The following UNC13B variants were observed in gnomAD, a reference collection of about 807,000 sequenced individuals.
UNC13B encodes unc-13 homolog B, also known as protein unc-13 homolog B.
UNC13B carries 144 observed loss-of-function variants against 211.0 expected under a neutral mutation model. That is an observed-to-expected ratio of 0.68 (90% CI 0.60 to 0.78). UNC13B has a LOEUF of 0.78. Ranked by LOEUF, UNC13B falls within the 30% of genes least tolerant of loss-of-function variation. UNC13B has a pLI of 0.00. For synonymous variants in UNC13B, 709 were observed against 725.8 expected (o/e 0.98, Z 0.37); for missense variants, 1,777 against 2,002.0 (o/e 0.89, Z 2.14).
chr9:35,371,236 C>G (rs561514141), intron 13 of UNC13B, among the ~76,000 whole-genome samples: 46 of 152,256 alleles, frequency 3.0e-4, no homozygotes, highest in African/African-American at 1.1e-3. Flanking sequence ...GTTTCTCCCT[C>G]CTTAGTTGAC....
At chr9:35,202,979 A>T (rs576086998) in intron 1 of UNC13B, among the ~76,000 whole-genome samples, 2 of 151,812 alleles carry the variant, frequency 1.3e-5, no homozygotes, top group South Asian at 4.2e-4. Context: ...TTTTTAGTAG[A>T]GACGGGTTTT....
chr9:35,273,443 A>T (rs926147155), intron 7 of UNC13B, among the ~76,000 whole-genome samples: 3 of 152,170 alleles, frequency 2.0e-5, no homozygotes, highest in African/African-American at 7.2e-5. Context: ...AATGCTTTCC[A>T]CTAGTTTTCA....
intron 1 of UNC13B, among the ~76,000 whole-genome samples, chr9:35,201,597 C>T (rs566452234): frequency 3.9e-5 from 6 of 152,068 alleles, no homozygotes; most frequent in South Asian, 2.1e-4. Context: ...TATCCTTTTC[C>T]TCTAGATTTT....
intron 22 of UNC13B, 174 bp from the exon 23 acceptor site, chr9:35,385,550 T>G (rs1835132954): frequency 1.0e-6 from 1 of 985,312 alleles, no homozygotes; most frequent in Non-Finnish European, 1.2e-6. Flanking sequence ...AGAGCCTGTT[T>G]GCATCAATAG....
intron 37 of UNC13B, 24 bp downstream of exon 37, chr9:35,400,467 A>T: frequency 6.2e-7 from 1 of 1,606,956 alleles, no homozygotes; most frequent in Non-Finnish European, 8.5e-7. Context: ...GGCTTTGGGT[A>T]TCCACCTCTC....
chr9:35,238,796 G>A (rs2131539874), intron 5 of UNC13B, among the ~76,000 whole-genome samples: 1 of 152,016 alleles, frequency 6.6e-6, no homozygotes, highest in African/African-American at 2.4e-5. Flanking sequence ...GACCTCAAAC[G>A]ATCCGCCCAC....
At chr9:35,162,335 G>C (rs762459355) in intron 1 of UNC13B, 30 bp downstream of exon 1, 1 of 1,529,980 alleles carries the variant, frequency 6.5e-7, no homozygotes, top group South Asian at 1.2e-5. Flanking sequence ...CGGGGAGGCG[G>C]GGTGTCGGCG....
At chr9:35,392,747 C>T (rs1835617930) in intron 26 of UNC13B, among the ~76,000 whole-genome samples, 1 of 151,450 alleles carries the variant, frequency 6.6e-6, no homozygotes, top group Non-Finnish European at 1.5e-5. Flanking sequence ...ACATATGTAA[C>T]TAACCTGCAC....
chr9:35,320,328 G>C (rs950783863), intron 11 of UNC13B, among the ~76,000 whole-genome samples: 1 of 152,174 alleles, frequency 6.6e-6, no homozygotes, highest in African/African-American at 2.4e-5. Flanking sequence ...CTTTTAAAGA[G>C]ATAGAGAAGG....
chr9:35,255,784 T>C (rs980691943), intron 6 of UNC13B, among the ~76,000 whole-genome samples: 1 of 152,162 alleles, frequency 6.6e-6, no homozygotes, highest in African/African-American at 2.4e-5. Flanking sequence ...TTCAGACTCT[T>C]GGAGCCAGAG....
intron 25 of UNC13B, among the ~76,000 whole-genome samples, chr9:35,390,175 T>C (rs1325532892): frequency 6.6e-6 from 1 of 152,152 alleles, no homozygotes; most frequent in Non-Finnish European, 1.5e-5. Flanking sequence ...CTGGCCAGAT[T>C]GAGCCAGCTT....
At chr9:35,351,675 A>G in intron 11 of UNC13B, 1 of 1,232,154 alleles carries the variant, frequency 8.1e-7, no homozygotes, top group Non-Finnish European at 1.0e-6. Context: ...CCAGAGGACA[A>G]CTCCCTGCCC....
intron 7 of UNC13B, among the ~76,000 whole-genome samples, chr9:35,270,678 A>G (rs10814218): frequency 0.049 from 7,481 of 152,270 alleles, 422 homozygotes; most frequent in East Asian, 0.3. Context: ...TGTCATCAGT[A>G]TCTATCCTAT....
chr9:35,346,926 C>A (rs755589305), intron 11 of UNC13B, among the ~76,000 whole-genome samples: 65 of 151,112 alleles, frequency 4.3e-4, no homozygotes, highest in Non-Finnish European at 7.7e-4. Context: ...CTTTCTTTTT[C>A]ATTTTTTTTT....
rs1481049259 is a variant in UNC13B at position 35,403,561 on chromosome 9, C to G, written c.12699C>G (p.Ser4233Arg). Reference sequence around the variant, plus strand: ...GGAAGTTCACAACCAAATCCAAAAGCAACAACTGGGCCCCCAAGTACAATG... The same window carrying G: ...GGAAGTTCACAACCAAATCCAAAAGGAACAACTGGGCCCCCAAGTACAATG... ...KKRKFTTKSKSNNWAPKYNET... is the reference protein window; with the variant it reads ...KKRKFTTKSKRNNWAPKYNET... The change falls in exon 39 of 40, where the codon AGC (serine) becomes AGG (arginine). Residue 4233 changes from serine (S) to arginine (R), a missense_variant. Coordinates refer to ENST00000635942, the MANE Select transcript of UNC13B (RefSeq NM_001371189.2). 1 of 1,611,058 alleles carries G rather than the reference C, an allele frequency of 6.2e-7. No homozygotes were observed. The highest frequency in any genetic ancestry group is 8.5e-7 in the Non-Finnish European group (1 of 1,179,462).
In UNC13B at chr9:35,307,774, C is replaced by A. The variant is rs1829997558; in HGVS notation, c.8370C>A (p.Phe2790Leu). The change falls in exon 9 of 40, where the codon TTC becomes TTA. Residue 2790 changes from phenylalanine to leucine, a missense_variant. Physicochemically the swap from Phe to Leu is conservative, Grantham distance 22. Transcript: ENST00000635942. The part of the protein sequence containing the change: ...ATNHGKPLSS[F>L]FSSPLPSGNR... ...ACCATGGGAAACCACTGAGCTCTTT[C>A]TTTTCCTCACCTCTCCCCTCTGGCA... 1 of 398,946 alleles carries A rather than the reference C, an allele frequency of 2.5e-6. No homozygotes were observed. Among genetic ancestry groups the A allele is most frequent in the African/African-American group, 2.1e-5 (1 of 48,636 alleles). The allele number at this position is 398,946 out of a possible 1,614,324, so 24.7% of individuals were successfully genotyped here.
At chr9:35,201,911 G>T (rs867230524) in intron 1 of UNC13B, among the ~76,000 whole-genome samples, 2 of 152,040 alleles carry the variant, frequency 1.3e-5, no homozygotes, top group Non-Finnish European at 2.9e-5. Flanking sequence ...TGCTTCTCTA[G>T]TTCTTTTCAT....
chr9:35,191,093 G>A (rs1221486309), intron 1 of UNC13B, among the ~76,000 whole-genome samples: 1 of 151,990 alleles, frequency 6.6e-6, no homozygotes. Context: ...CCAAATACCT[G>A]GGATTACAGG....
chr9:35,185,144 C>G (rs1480332170), intron 1 of UNC13B, among the ~76,000 whole-genome samples: 1 of 152,170 alleles, frequency 6.6e-6, no homozygotes, highest in Non-Finnish European at 1.5e-5. Flanking sequence ...AGCAAGAAGG[C>G]TCCTCTTGGA....
Sources: allele counts gnomAD v4.1 joint callset (sites outside exome capture counted in the v4.1 genomes callset), GRCh38; gene constraint gnomAD v4.1.1; transcripts MANE v1.5; gene names NCBI Gene and HGNC (gene_info 2026-07-23, HGNC 2026-07-21).